Variants in GPC5 observed in about 807,000 individuals in gnomAD.
GPC5 encodes the protein glypican-5.
GPC5 carries 47 observed loss-of-function variants against 53.9 expected under a neutral mutation model. The ratio of observed to expected loss-of-function variants is 0.87; its 90% CI spans 0.69 to 1.11. The LOEUF is 1.11. Among genes scored for constraint, GPC5 ranks in the 50% most tolerant of loss-of-function variants. The probability of loss-of-function intolerance (pLI) is 0.00; values close to 1 mark genes in which losing one functional copy is unlikely to be tolerated. For synonymous variants in GPC5, 286 were observed against 263.3 expected (o/e 1.09, Z -0.84); for missense variants, 748 against 713.1 (o/e 1.05, Z -0.56).
At chr13:91,860,489 C>CCTCT (rs146453696) in intron 5 of GPC5, among the ~76,000 whole-genome samples, 27,059 of 147,880 alleles carry the variant, frequency 0.18, 2,794 homozygotes, top group East Asian at 0.3. Flanking sequence ...TTCCTTCCTT[C>CCTCT]CTCTTTCTTT....
chr13:92,288,237 A>G (rs1486003487), intron 7 of GPC5, among the ~76,000 whole-genome samples: 1 of 152,180 alleles, frequency 6.6e-6, no homozygotes, highest in Non-Finnish European at 1.5e-5. Context: ...TTTTTCTAAT[A>G]TGACCAATGT....
At chr13:92,831,429 G>T (rs1473232036) in intron 7 of GPC5, among the ~76,000 whole-genome samples, 1 of 151,910 alleles carries the variant, frequency 6.6e-6, no homozygotes, top group Non-Finnish European at 1.5e-5. Context: ...CCCATTTTCA[G>T]ATTGTAAACT....
At chr13:91,877,235 C>T (rs746341074) in intron 5 of GPC5, among the ~76,000 whole-genome samples, 4 of 152,172 alleles carry the variant, frequency 2.6e-5, no homozygotes, top group Admixed American at 6.5e-5. Context: ...TGGGGCACTG[C>T]CTAGTGAAGC....
chr13:92,345,363 A>C (rs567130340), intron 7 of GPC5, among the ~76,000 whole-genome samples: 3 of 152,144 alleles, frequency 2.0e-5, no homozygotes, highest in Non-Finnish European at 4.4e-5. Flanking sequence ...AAAGAGAAAA[A>C]ATAACTAACA....
At chr13:92,106,991 G>A (rs2041515231) in intron 6 of GPC5, among the ~76,000 whole-genome samples, 1 of 151,756 alleles carries the variant, frequency 6.6e-6, no homozygotes, top group Non-Finnish European at 1.5e-5. Flanking sequence ...CTTTCAAAGG[G>A]GTTTTTACCT....
chr13:92,550,133 G>A (rs1882262931), intron 7 of GPC5, among the ~76,000 whole-genome samples: 1 of 151,754 alleles, frequency 6.6e-6, no homozygotes, highest in African/African-American at 2.4e-5. Context: ...ATTTCTACAT[G>A]TAATTTGATT....
At chr13:92,346,612 A>C (rs1157684312) in intron 7 of GPC5, among the ~76,000 whole-genome samples, 1 of 152,202 alleles carries the variant, frequency 6.6e-6, no homozygotes, top group Non-Finnish European at 1.5e-5. Flanking sequence ...GTCTCCTCAA[A>C]TTCACAGAAA....
intron 7 of GPC5, among the ~76,000 whole-genome samples, chr13:92,404,798 G>C (rs1351812254): frequency 6.7e-6 from 1 of 149,678 alleles, no homozygotes; most frequent in South Asian, 2.1e-4. Context: ...AACAGAAGGT[G>C]TTTAATAGGG....
At chr13:91,680,021 C>T (rs928235917) in intron 2 of GPC5, among the ~76,000 whole-genome samples, 10 of 151,472 alleles carry the variant, frequency 6.6e-5, no homozygotes, top group Admixed American at 1.3e-4. Flanking sequence ...TAAAATTGAA[C>T]GAAATGAGTC....
rs9523715 is a variant in GPC5 at position 92,556,260 on chromosome 13, T to C, written c.1562-310022T>C. Among the ~76,000 whole-genome samples the C allele has an allele frequency of 4.7e-3, 716 of 151,938 alleles. 1 individual carries two copies. Among genetic ancestry groups the C allele is most frequent in the Non-Finnish European group, 5.8e-3 (392 of 67,856 alleles). On this transcript the variant is annotated intron_variant, in intron 7 of 7. Transcript: ENST00000377067. The stretch of plus-strand genomic sequence containing the variant: ...AACAATGTATACATCTGCCAACTTA[T>C]TTAACAAAATTTGTGTGATCTAGTT...
At chr13:92,131,399 T>C (rs966009283) in intron 6 of GPC5, among the ~76,000 whole-genome samples, 1 of 152,030 alleles carries the variant, frequency 6.6e-6, no homozygotes, top group African/African-American at 2.4e-5. Context: ...TATAAGATAT[T>C]CAATTAGCGT....
In GPC5 at chr13:91,484,046, A is replaced by C. The variant is rs114874720; in HGVS notation, c.325+35124A>C. Among the ~76,000 whole-genome samples, 364 of 152,310 alleles carry C rather than the reference A, an allele frequency of 2.4e-3. 1 individual carries two copies. Among genetic ancestry groups the C allele is most frequent in the African/African-American group, 7.8e-3 (326 of 41,576 alleles). On this transcript the variant is annotated intron_variant, in intron 2 of 7. Transcript: ENST00000377067. ...TTTTTTCTTTAAAAAGTGGCAACTTAATTATCTATTATAGTTGAGTTATTT... is the reference window on the plus strand; with the variant it reads ...TTTTTTCTTTAAAAAGTGGCAACTTCATTATCTATTATAGTTGAGTTATTT...
rs939276685 is a variant in GPC5 at position 91,544,741 on chromosome 13, C to T, written c.325+95819C>T. Among the ~76,000 whole-genome samples the T allele has an allele frequency of 2.0e-5, 3 of 152,278 alleles. No homozygotes were observed. The South Asian group carries it at 6.2e-4, about 32-fold the overall frequency. ...TTATCTGTTACTGCATAGTAAATTA[C>T]CCTAAAACTTAGCAGCTAAAAACAA... On this transcript the variant is annotated intron_variant, in intron 2 of 7. Coordinates refer to ENST00000377067, the MANE Select transcript of GPC5 (RefSeq NM_004466.6).
intron 7 of GPC5, among the ~76,000 whole-genome samples, chr13:92,152,411 T>C (rs1263026792): frequency 2.6e-5 from 4 of 152,206 alleles, no homozygotes; most frequent in Non-Finnish European, 5.9e-5. Flanking sequence ...GTTTAATCCA[T>C]AGTCAGCATT....
At position 91,398,845 on chromosome 13, in the gene GPC5, T is replaced by C; in HGVS notation, c.-202T>C. On this transcript the variant is annotated 5_prime_UTR_variant, in exon 1 of 8. Coordinates refer to ENST00000377067, the MANE Select transcript of GPC5 (RefSeq NM_004466.6). ...CAGAGGGTGCTCAGCTGGAAAACTC[T>C]GGTGTCTCAGCTTAGGGCCTCCTCC... 1.8e-6 allele frequency: 1 copy of C among 554,000 alleles called. No homozygotes were observed. Among genetic ancestry groups the C allele is most frequent in the South Asian group, 2.5e-5 (1 of 39,382 alleles). 34.3% of individuals were successfully genotyped at this position (554,000 alleles called of 1,614,324 possible).
intron 2 of GPC5, among the ~76,000 whole-genome samples, chr13:91,512,563 C>T (rs981508016): frequency 1.3e-5 from 2 of 152,226 alleles, no homozygotes; most frequent in African/African-American, 4.8e-5. Context: ...CTGCACACCT[C>T]GAGGTGGGTC....
At chr13:92,759,085 A>G (rs1200462146) in intron 7 of GPC5, among the ~76,000 whole-genome samples, 152 of 130,472 alleles carry the variant, frequency 1.2e-3, no homozygotes, top group African/African-American at 4.5e-3. Context: ...TTTCTACTCT[A>G]TCCCACTGGT....
intron 2 of GPC5, among the ~76,000 whole-genome samples, chr13:91,626,916 G>A (rs148869603): frequency 0.024 from 3,693 of 151,128 alleles, 141 homozygotes; most frequent in African/African-American, 0.084. Context: ...GAGAACATGC[G>A]GTGTTTGGTT....
At chr13:92,588,207 A>G (rs1453076846) in intron 7 of GPC5, among the ~76,000 whole-genome samples, 4 of 152,180 alleles carry the variant, frequency 2.6e-5, no homozygotes, top group Non-Finnish European at 5.9e-5. Flanking sequence ...TAGTTTACTA[A>G]GGATGATGGT....
Sources: gnomAD v4.1 joint callset for allele counts (sites outside exome capture counted in the v4.1 genomes callset) on GRCh38, gnomAD v4.1.1 for gene constraint, MANE v1.5 for transcripts, NCBI Gene and HGNC (gene_info 2026-07-23, HGNC 2026-07-21) for gene names.